The following NPAS3 variants were observed in gnomAD, a reference collection of about 807,000 sequenced individuals.
The protein encoded by NPAS3 is neuronal PAS domain protein 3.
A neutral mutation model predicts 73.1 loss-of-function variants in NPAS3; 14 were observed. The observed-to-expected ratio is 0.19, with a 90% CI of 0.13 to 0.30. The LOEUF is 0.30. Among genes scored for constraint, NPAS3 ranks in the 10% least tolerant of loss-of-function variants. The pLI is 1.00. For missense variants in NPAS3, 1,096 were observed against 1,250.0 expected, an observed-to-expected ratio of 0.88 and a Z score of 1.86; for synonymous variants, 620 against 541.5, an observed-to-expected ratio of 1.14 and a Z score of -2.01.
chr14:33,222,498 A>G (rs1469377072), intron 3 of NPAS3, among the ~76,000 whole-genome samples: 1 of 152,202 alleles, frequency 6.6e-6, no homozygotes, highest in Non-Finnish European at 1.5e-5. Context: ...TCTCTTGTGC[A>G]AATCTCTGCT....
chr14:32,994,611 G>GTTTTT (rs1197652527), intron 1 of NPAS3, among the ~76,000 whole-genome samples: 74 of 129,740 alleles, frequency 5.7e-4, no homozygotes, highest in African/African-American at 1.6e-3. Flanking sequence ...CGCCATTCTA[G>GTTTTT]TTTTTTGTTT....
chr14:33,370,590 G>A (rs2046044567), intron 4 of NPAS3, among the ~76,000 whole-genome samples: 1 of 152,112 alleles, frequency 6.6e-6, no homozygotes, highest in Non-Finnish European at 1.5e-5. Context: ...GAACAGTTTG[G>A]TTTATTTCTG....
chr14:33,731,988 T>A (rs78920790), intron 6 of NPAS3, among the ~76,000 whole-genome samples: 5,905 of 152,260 alleles, frequency 0.039, 171 homozygotes, highest in African/African-American at 0.079. Flanking sequence ...ATTTTTCCTG[T>A]GTCTCAGGCA....
In NPAS3 at chr14:33,471,242, C is replaced by T. The variant is rs1272775056; in HGVS notation, c.469-88879C>T. Among the ~76,000 whole-genome samples, 14 of 152,300 alleles carry T rather than the reference C, an allele frequency of 9.2e-5. No homozygotes were observed. The East Asian group carries it at 2.5e-3, about 27-fold the overall frequency. ...GTTATCTCCATTTTTCAAATTGGGA[C>T]CTGAGAGGCAAGTCACGCTAGCTGG... On this transcript the variant is annotated intron_variant, in intron 4 of 11. Transcript: ENST00000356141.
At chr14:33,576,062 T>A (rs887710082) in intron 5 of NPAS3, among the ~76,000 whole-genome samples, 2 of 152,068 alleles carry the variant, frequency 1.3e-5, no homozygotes, top group Admixed American at 6.5e-5. Context: ...TTAAATGGAA[T>A]GTGTAAAGTA....
intron 7 of NPAS3, among the ~76,000 whole-genome samples, chr14:33,741,291 G>C: frequency 6.6e-6 from 1 of 152,144 alleles, no homozygotes; most frequent in East Asian, 1.9e-4. Flanking sequence ...AAATGTAACT[G>C]TCTTGTCAAA....
chr14:33,016,340 G>A (rs1309697820), intron 1 of NPAS3, among the ~76,000 whole-genome samples: 1 of 152,216 alleles, frequency 6.6e-6, no homozygotes, highest in African/African-American at 2.4e-5. Context: ...AATGTGATAT[G>A]TGAAATTCCA....
At chr14:33,766,216 T>C (rs1266373859) in intron 7 of NPAS3, among the ~76,000 whole-genome samples, 2 of 152,242 alleles carry the variant, frequency 1.3e-5, no homozygotes, top group Non-Finnish European at 2.9e-5. Flanking sequence ...GACTTTAGTA[T>C]GTCAAGGAGA....
intron 10 of NPAS3, among the ~76,000 whole-genome samples, chr14:33,796,252 GT>G (rs2063509861): frequency 6.6e-6 from 1 of 152,178 alleles, no homozygotes; most frequent in African/African-American, 2.4e-5. Flanking sequence ...GTCCTTCCCT[GT>G]TCTGAAACTA....
At chr14:33,456,162 C>T (rs1301366948) in intron 4 of NPAS3, among the ~76,000 whole-genome samples, 1 of 152,188 alleles carries the variant, frequency 6.6e-6, no homozygotes, top group African/African-American at 2.4e-5. Flanking sequence ...ATCTGGAATG[C>T]ATTAGCTACG....
rs530893458 is a variant in NPAS3 at position 33,702,842 on chromosome 14, G to C, written c.733+26457G>C. Among the ~76,000 whole-genome samples the C allele has an allele frequency of 3.7e-4, 57 of 152,262 alleles. 1 individual carries two copies. Among genetic ancestry groups the C allele is most frequent in the African/African-American group, 1.3e-3 (55 of 41,556 alleles). On this transcript the variant is annotated intron_variant, in intron 6 of 11. Transcript: ENST00000356141. ...TTGTCAGTAAGGATTGAGGGAGCTG[G>C]GGGTGCGAGTTGATGTACATTCTCT... is the stretch of plus-strand genomic sequence containing the variant.
chr14:33,341,551 C>A (rs7147449), intron 3 of NPAS3, among the ~76,000 whole-genome samples: 1 of 151,640 alleles, frequency 6.6e-6, no homozygotes, highest in Non-Finnish European at 1.5e-5. Flanking sequence ...GAAAGGGATG[C>A]GGGAGGGAAG....
intron 5 of NPAS3, among the ~76,000 whole-genome samples, chr14:33,610,729 AAACTT>A (rs2140046292): frequency 6.6e-6 from 1 of 152,340 alleles, no homozygotes; most frequent in East Asian, 1.9e-4. Flanking sequence ...TCCCAGTATC[AAACTT>A]AACTTCATTT....
At chr14:32,974,010 G>A (rs185243949) in intron 1 of NPAS3, among the ~76,000 whole-genome samples, 67 of 152,236 alleles carry the variant, frequency 4.4e-4, no homozygotes, top group African/African-American at 1.4e-3. Context: ...TGTATTAAAT[G>A]GATTTCTGTT....
intron 1 of NPAS3, among the ~76,000 whole-genome samples, chr14:33,010,390 AG>A (rs1265039612): frequency 6.6e-6 from 1 of 152,218 alleles, no homozygotes; most frequent in Non-Finnish European, 1.5e-5. Context: ...AGTCAAAGTG[AG>A]AAGTGGACAA....
chr14:33,355,821 T>C (rs188107875), intron 3 of NPAS3, among the ~76,000 whole-genome samples: 3 of 152,342 alleles, frequency 2.0e-5, no homozygotes. Context: ...TTCCATGGAA[T>C]ACAGAAATCT....
At chr14:33,247,921 A>C (rs1011462233) in intron 3 of NPAS3, among the ~76,000 whole-genome samples, 5 of 152,204 alleles carry the variant, frequency 3.3e-5, no homozygotes, top group Non-Finnish European at 7.3e-5. Flanking sequence ...CCCCAAACCC[A>C]GGAGGGCAGT....
At chr14:33,745,798 C>T (rs1004083322) in intron 7 of NPAS3, among the ~76,000 whole-genome samples, 7 of 152,130 alleles carry the variant, frequency 4.6e-5, no homozygotes, top group African/African-American at 1.4e-4. Flanking sequence ...GCTTAAGTGT[C>T]CTGAATATTG....
intron 5 of NPAS3, among the ~76,000 whole-genome samples, chr14:33,641,883 G>T (rs774179266): frequency 5.3e-5 from 8 of 151,986 alleles, no homozygotes; most frequent in Non-Finnish European, 7.4e-5. Flanking sequence ...ATGCAGGTAT[G>T]GTGAGAGTTT....
Sources: allele counts gnomAD v4.1 joint callset (sites outside exome capture counted in the v4.1 genomes callset), GRCh38; gene constraint gnomAD v4.1.1; transcripts MANE v1.5; gene names NCBI Gene and HGNC (gene_info 2026-07-23, HGNC 2026-07-21).